The following XPO1 variants were observed in gnomAD, a reference collection of about 807,000 sequenced individuals.
XPO1 encodes the protein exportin 1.
Under a neutral mutation model 133.3 loss-of-function variants are expected in XPO1, and 5 were observed. That is an observed-to-expected ratio of 0.04 (90% CI 0.02 to 0.08). XPO1 has a LOEUF of 0.08. Among genes scored for constraint, XPO1 ranks in the 10% least tolerant of loss-of-function variants. XPO1 has a pLI of 1.00. For synonymous variants in XPO1, 419 were observed against 408.2 expected (o/e 1.03, Z -0.32); for missense variants, 506 against 1,267.5 (o/e 0.40, Z 9.12).
rs757616324 is a variant in XPO1 at position 61,478,838 on chromosome 2, T to G, written c.3198A>C (p.Pro1066=). Residue 1066 remains proline, a synonymous_variant, in exon 25 of 25, where the codon CCA becomes CCC. Transcript: ENST00000401558. ...VPGIFNPHEI[P]EEMCD ...TTGGATTTTAATCACACATTTCTTC[T>G]GGAATCTCATGTGGATTAAAGATGC... The G allele has an allele frequency of 6.2e-7, 1 of 1,613,466 alleles. No individual in the cohort carries two copies.
chr2:61,499,685 A>G (rs199630145), intron 7 of XPO1, 28 bp downstream of exon 7: 1 of 1,542,736 alleles, frequency 6.5e-7, no homozygotes, highest in Non-Finnish European at 8.7e-7. Context: ...AAATCACTTT[A>G]AAATTCTAAA....
In XPO1 at chr2:61,490,663, A is replaced by G. The variant is rs768134039; in HGVS notation, c.2001T>C (p.Ser667=). Residue 667 remains serine (S), a synonymous_variant, in exon 17 of 25, where the codon AGT becomes AGC. Transcript: ENST00000401558. ...YMLLPNQVWD[S]IIQQATKNVD... ...TTACTTTGGTTGCCTGCTGGATTAT[A>G]CTATCCCACACTTGATTAGGGAGTA... The G allele has an allele frequency of 7.6e-5, 122 of 1,613,928 alleles. No individual in the cohort carries two copies. The highest frequency in any genetic ancestry group is 1.0e-4 in the Non-Finnish European group (120 of 1,180,004).
At chr2:61,515,104 C>T (rs1698302651) in intron 4 of XPO1, among the ~76,000 whole-genome samples, 1 of 150,250 alleles carries the variant, frequency 6.7e-6, no homozygotes, top group Admixed American at 6.7e-5. Flanking sequence ...ACAATCCAGC[C>T]ATTCCACTCT....
chr2:61,525,338 T>C, intron 3 of XPO1: 1 of 987,494 alleles, frequency 1.0e-6, no homozygotes, highest in Non-Finnish European at 1.2e-6. Context: ...TTCTTCCTAT[T>C]ACAAGCAATC....
At chr2:61,518,421 C>T (rs1280717555) in intron 4 of XPO1, among the ~76,000 whole-genome samples, 1 of 18,874 alleles carries the variant, frequency 5.3e-5, no homozygotes, top group Non-Finnish European at 1.0e-4. Flanking sequence ...AAACAAAACA[C>T]ACACACACAC....
At chr2:61,501,637 C>T (rs1016613006) in intron 6 of XPO1, among the ~76,000 whole-genome samples, 3 of 150,588 alleles carry the variant, frequency 2.0e-5, no homozygotes, top group African/African-American at 4.9e-5. Flanking sequence ...GCAGAACAAT[C>T]GCTTGAACCC....
intron 2 of XPO1, among the ~76,000 whole-genome samples, chr2:61,532,764 G>A (rs184542066): frequency 4.9e-4 from 74 of 151,908 alleles, no homozygotes; most frequent in African/African-American, 1.6e-3. Context: ...AAACCTGGGA[G>A]GCAGAGGTTG....
chr2:61,499,562 G>T, intron 7 of XPO1, 151 bp downstream of exon 7: 1 of 713,540 alleles, frequency 1.4e-6, no homozygotes, highest in Non-Finnish European at 2.2e-6. Context: ...GCCCCGTCTA[G>T]GACTATTTCT....
chr2:61,536,696 G>C (rs568383581), intron 1 of XPO1: 5 of 152,364 alleles, frequency 3.3e-5, no homozygotes, highest in African/African-American at 1.2e-4. Context: ...TAGCACACAG[G>C]AGCACGCACT....
chr2:61,520,781 T>TA (rs542830561), intron 4 of XPO1, among the ~76,000 whole-genome samples: 51 of 152,264 alleles, frequency 3.3e-4, no homozygotes, highest in East Asian at 3.1e-3. Flanking sequence ...TCAAATGTGA[T>TA]AAAAAACAGA....
intron 21 of XPO1, 118 bp from the exon 22 acceptor site, chr2:61,483,209 T>C (rs1178658204): frequency 5.8e-5 from 64 of 1,099,828 alleles, no homozygotes; most frequent in Non-Finnish European, 8.2e-5. Flanking sequence ...TTTGGGATGA[T>C]GACTAATAAT....
At chr2:61,491,993 T>C (rs1697024851) in intron 16 of XPO1, 42 bp downstream of exon 16, 2 of 1,604,568 alleles carry the variant, frequency 1.2e-6, no homozygotes, top group African/African-American at 1.3e-5. Flanking sequence ...TTGATACAAG[T>C]GTTACTTTCT....
intron 19 of XPO1, among the ~76,000 whole-genome samples, chr2:61,487,284 C>T (rs911654699): frequency 1.3e-5 from 2 of 152,118 alleles, no homozygotes; most frequent in Middle Eastern, 3.2e-3. Context: ...ACTGTGCTCC[C>T]GACACGTGCT....
intron 10 of XPO1, 108 bp from the exon 11 acceptor site, chr2:61,495,721 G>C: frequency 1.7e-6 from 2 of 1,151,166 alleles, no homozygotes; most frequent in Non-Finnish European, 2.3e-6. Flanking sequence ...GTCCAGGCTG[G>C]AGTGCAGTGG....
At chr2:61,488,452 T>C (rs996235560) in intron 18 of XPO1, 136 bp downstream of exon 18, 37 of 1,159,660 alleles carry the variant, frequency 3.2e-5, no homozygotes, top group East Asian at 2.1e-4. Flanking sequence ...CTTAACTGTT[T>C]TAAATATGTC....
chr2:61,491,517 A>G (rs992644399), intron 16 of XPO1, among the ~76,000 whole-genome samples: 1 of 151,408 alleles, frequency 6.6e-6, no homozygotes, highest in Non-Finnish European at 1.5e-5. Context: ...AAACAAAACA[A>G]AAAACACCTG....
chr2:61,502,363 G>A (rs2104532571), intron 4 of XPO1, 53 bp from the exon 5 acceptor site: 1 of 1,526,876 alleles, frequency 6.5e-7, no homozygotes. Flanking sequence ...TTTGTAGCAT[G>A]CAAATAAATT....
intron 4 of XPO1, among the ~76,000 whole-genome samples, chr2:61,507,440 C>T (rs375772350): frequency 1.3e-5 from 2 of 151,846 alleles, no homozygotes; most frequent in South Asian, 4.2e-4. Flanking sequence ...TAGGCACAGT[C>T]GTTCGTGCCT....
chr2:61,478,842 A>C lies in XPO1; in HGVS notation c.3194T>G (p.Ile1065Ser). 1.2e-6 allele frequency: 2 copies of C among 1,613,836 alleles called. No individual in the cohort carries two copies. The highest frequency in any genetic ancestry group is 1.7e-6 in the Non-Finnish European group (2 of 1,179,944). The change falls in exon 25 of 25, where the codon ATT (isoleucine) becomes AGT (serine). Residue 1065 changes from isoleucine (I) to serine (S), a missense_variant. Coordinates refer to ENST00000401558, the MANE Select transcript of XPO1 (RefSeq NM_003400.4). ...ATTTTAATCACACATTTCTTCTGGAATCTCATGTGGATTAAAGATGCCAGG... is the reference window on the plus strand; with the variant it reads ...ATTTTAATCACACATTTCTTCTGGACTCTCATGTGGATTAAAGATGCCAGG... ...SVPGIFNPHE[I>S]PEEMCD
Sources: gnomAD v4.1 joint callset for allele counts (sites outside exome capture counted in the v4.1 genomes callset) on GRCh38, gnomAD v4.1.1 for gene constraint, MANE v1.5 for transcripts, NCBI Gene and HGNC (gene_info 2026-07-23, HGNC 2026-07-21) for gene names.